Variants in ANKUB1 observed in about 807,000 individuals in gnomAD.
ANKUB1 encodes protein ANKUB1.
ANKUB1 carries 42 observed loss-of-function variants against 49.3 expected under a neutral mutation model. The observed-to-expected ratio is 0.85, with a 90% CI of 0.67 to 1.10. The LOEUF is 1.10. ANKUB1 is among the 50% of genes least tolerant of loss of function. The probability of loss-of-function intolerance (pLI) is 0.00; values close to 1 mark genes in which losing one functional copy is unlikely to be tolerated. For missense variants in ANKUB1, 613 were observed against 642.0 expected, an observed-to-expected ratio of 0.95 and a Z score of 0.49; for synonymous variants, 222 against 231.0, an observed-to-expected ratio of 0.96 and a Z score of 0.35.
At chr3:149,786,197 G>A (rs944268178) in intron 2 of ANKUB1, among the ~76,000 whole-genome samples, 5 of 152,054 alleles carry the variant, frequency 3.3e-5, no homozygotes, top group South Asian at 2.1e-4. Context: ...CAACGCGCCC[G>A]GCTAATTTTT....
At chr3:149,771,958 T>A (rs1451346870) in intron 3 of ANKUB1, among the ~76,000 whole-genome samples, 5 of 152,072 alleles carry the variant, frequency 3.3e-5, no homozygotes, top group Non-Finnish European at 7.4e-5. Context: ...CATTTTTTTT[T>A]CTCAGTGAGT....
chr3:149,775,669 C>G (rs1264282807), intron 3 of ANKUB1, among the ~76,000 whole-genome samples: 1 of 152,104 alleles, frequency 6.6e-6, no homozygotes, highest in Non-Finnish European at 1.5e-5. Flanking sequence ...CAATTGGTAT[C>G]ATCTGTAAAG....
At chr3:149,779,045 G>A (rs565983603) in intron 3 of ANKUB1, 21 of 152,260 alleles carry the variant, frequency 1.4e-4, no homozygotes, top group African/African-American at 4.6e-4. Context: ...GTGTGTCATC[G>A]TCAGGTAGGG....
In ANKUB1 at chr3:149,780,294, TG is replaced by T. The variant is rs771667167; in HGVS notation, c.395del (p.Pro132GlnfsTer35). ...TGCAATCATACATCTCCAGGCCCCT[TG>T]GGGTTCGGAGACAGTAGACACTCAC... ...LPVSVYCLRT[P>X]RGLEMYDCNT... On this transcript the variant is annotated frameshift_variant, in exon 3 of 6. Transcript: ENST00000446160. LOFTEE classifies it high-confidence loss of function. The T allele has an allele frequency of 4.5e-6, 7 of 1,551,668 alleles. No individual in the cohort carries two copies. In the East Asian group the frequency reaches 7.3e-5, roughly 16 times the overall value.
rs548535021 is a variant in ANKUB1, at chr3:149,782,725, A to G, written c.235-2270T>C. ...CTACATTTTAAATTCTTATTTGTAGAGACAGGGCCTAGCTATGTTGTCCAG... is the reference window on the plus strand; with the variant it reads ...CTACATTTTAAATTCTTATTTGTAGGGACAGGGCCTAGCTATGTTGTCCAG... On this transcript the variant is annotated intron_variant, in intron 2 of 5. Transcript: ENST00000446160. Among the ~76,000 whole-genome samples the G allele has an allele frequency of 3.3e-5, 5 of 152,248 alleles. No homozygotes were observed. In the South Asian group the frequency reaches 6.2e-4, roughly 19 times the overall value.
intron 4 of ANKUB1, among the ~76,000 whole-genome samples, chr3:149,769,519 A>G (rs1576670733): frequency 1.3e-5 from 2 of 152,240 alleles, no homozygotes; most frequent in East Asian, 3.8e-4. Flanking sequence ...CTTGATAAAA[A>G]CCATCATACG....
chr3:149,790,215 A>G (rs1208570486), intron 2 of ANKUB1, among the ~76,000 whole-genome samples: 1 of 152,156 alleles, frequency 6.6e-6, no homozygotes, highest in African/African-American at 2.4e-5. Flanking sequence ...TTTTGTTTAT[A>G]TTACAATTTT....
In ANKUB1 at chr3:149,777,476, AAACAAC is replaced by A. The variant is rs34938958; in HGVS notation, c.451+2757_451+2762del. ...ACAGGCAAGACTGTGACTCAAAAAC[AAACAAC>A]AACAACAACAACAACAACAAAAAAA... On this transcript the variant is annotated intron_variant, in intron 3 of 5. Transcript: ENST00000446160. Among the ~76,000 whole-genome samples the A allele has an allele frequency of 4.6e-5, 7 of 150,936 alleles. No homozygotes were observed. The South Asian group carries it at 8.5e-4, about 18-fold the overall frequency.
chr3:149,780,251 G>A lies in ANKUB1; in HGVS notation c.439C>T (p.Gln147Ter). The A allele has an allele frequency of 1.3e-6, 2 of 1,551,646 alleles. No individual in the cohort carries two copies. The highest frequency in any genetic ancestry group is 1.7e-6 in the Non-Finnish European group (2 of 1,146,954). Residue 147 changes from glutamine to a stop codon, truncating the protein, a stop_gained, in exon 3 of 6, where the codon CAG becomes TAG. Coordinates refer to ENST00000446160, the MANE Select transcript of ANKUB1 (RefSeq NM_001144960.3). LOFTEE classifies it high-confidence loss of function. ...TACTGGGCAGTACCAATATCAGTCT[G>A]GTAGTCCTTGAGGGTGTTGCAATCA... ...MYDCNTLKDYQTDIGTTLRLD... is the reference protein window; with the variant it reads ...MYDCNTLKDY
chr3:149,771,753 G>A (rs1350542364), intron 3 of ANKUB1, among the ~76,000 whole-genome samples: 1 of 151,916 alleles, frequency 6.6e-6, no homozygotes, highest in Admixed American at 6.6e-5. Flanking sequence ...CTGATTAATT[G>A]TCAATCTTAG....
chr3:149,767,389 GT>G lies in ANKUB1; in HGVS notation c.1272del (p.Gln424HisfsTer18). 1 of 1,551,182 alleles carries G rather than the reference GT, an allele frequency of 6.4e-7. No homozygotes were observed. Among genetic ancestry groups the G allele is most frequent in the East Asian group, 2.4e-5 (1 of 40,924 alleles). The stretch of plus-strand genomic sequence containing the variant: ...GTGGCAGTAATTTTTTTCTGATTTT[GT>G]TGTTGATGTTTTTGTAATTCAGAGA... ...SSFSELQKHQ[Q>X]QNQKKITATA... On this transcript the variant is annotated frameshift_variant, in exon 5 of 6. Coordinates refer to ENST00000446160, the MANE Select transcript of ANKUB1 (RefSeq NM_001144960.3). LOFTEE classifies it high-confidence loss of function.
chr3:149,777,721 T>G (rs995912742), intron 3 of ANKUB1, among the ~76,000 whole-genome samples: 1 of 152,192 alleles, frequency 6.6e-6, no homozygotes, highest in Non-Finnish European at 1.5e-5. Context: ...TTCCCACATC[T>G]GTGTGTGCTC....
chr3:149,780,513 A>C, intron 2 of ANKUB1, 58 bp from the exon 3 acceptor site: 1 of 1,339,984 alleles, frequency 7.5e-7, no homozygotes, highest in Non-Finnish European at 1.0e-6. Flanking sequence ...AGGGCCAAGC[A>C]TTTCAGAGGG....
chr3:149,792,461 T>G lies in ANKUB1; in HGVS notation c.-95A>C. ...TCCGGTTCACAATTAAGGACAAAAA[T>G]GATAGCCAGAGGCAGCTGTCACTGT... On this transcript the variant is annotated 5_prime_UTR_variant, in exon 1 of 6. Coordinates refer to ENST00000446160, the MANE Select transcript of ANKUB1 (RefSeq NM_001144960.3). 1 of 996,662 alleles carries G rather than the reference T, an allele frequency of 1.0e-6. No individual in the cohort carries two copies. The highest frequency in any genetic ancestry group is 3.3e-5 in the Admixed American group (1 of 30,024). The allele number at this position is 996,662 out of a possible 1,614,324, so 61.7% of individuals were successfully genotyped here.
At chr3:149,766,139 A>T (rs549955694) in intron 5 of ANKUB1, among the ~76,000 whole-genome samples, 1 of 152,332 alleles carries the variant, frequency 6.6e-6, no homozygotes, top group Admixed American at 6.5e-5. Flanking sequence ...TCTGAGCTCT[A>T]ATCAGAGAGT....
intron 5 of ANKUB1, 30 bp downstream of exon 5, chr3:149,767,127 C>T: frequency 6.8e-7 from 1 of 1,470,012 alleles, no homozygotes; most frequent in Non-Finnish European, 9.0e-7. Context: ...AAAAGCTTTG[C>T]TGTTTGTATG....
chr3:149,769,339 T>G (rs1358052356), intron 4 of ANKUB1, among the ~76,000 whole-genome samples: 2 of 152,224 alleles, frequency 1.3e-5, no homozygotes, highest in African/African-American at 4.8e-5. Flanking sequence ...TTACACTTTA[T>G]GTATAGCAAA....
At chr3:149,783,151 C>T (rs1420870014) in intron 2 of ANKUB1, 1 of 152,046 alleles carries the variant, frequency 6.6e-6, no homozygotes, top group Non-Finnish European at 1.5e-5. Context: ...CATTAGTTGT[C>T]GATATTTTCT....
chr3:149,790,322 C>A (rs1182529880), intron 2 of ANKUB1, among the ~76,000 whole-genome samples: 4 of 152,118 alleles, frequency 2.6e-5, no homozygotes, highest in African/African-American at 9.7e-5. Context: ...TGCCTGTACA[C>A]CTAATTGGAA....
Sources: gnomAD v4.1 joint callset for allele counts (sites outside exome capture counted in the v4.1 genomes callset) on GRCh38, gnomAD v4.1.1 for gene constraint, MANE v1.5 for transcripts, NCBI Gene and HGNC (gene_info 2026-07-23, HGNC 2026-07-21) for gene names.